The following STX11 variants were observed in gnomAD, a reference collection of about 807,000 sequenced individuals.
The protein encoded by STX11 is syntaxin-11.
In STX11, 21 loss-of-function variants were observed where a neutral mutation model predicts 19.9. The ratio of observed to expected loss-of-function variants is 1.06; its 90% CI spans 0.75 to 1.52. The LOEUF (loss-of-function observed/expected upper bound fraction) is 1.52, where lower values mean the gene tolerates loss of function less well. STX11 is among the 40% of genes most tolerant of loss of function. The pLI, the probability that STX11 is intolerant of heterozygous loss-of-function variation, is 0.00. For missense variants in STX11, 438 were observed against 405.9 expected (o/e 1.08, Z -0.68); for synonymous variants, 193 against 174.4 (o/e 1.11, Z -0.84).
chr6:144,178,123 G>T (rs989292663), intron 1 of STX11, among the ~76,000 whole-genome samples: 4 of 152,188 alleles, frequency 2.6e-5, no homozygotes, highest in East Asian at 1.9e-4. Context: ...AAGCCTTCTT[G>T]TGGGGAGTTT....
At position 144,180,527 on chromosome 6, in the gene STX11, A is replaced by C. The variant is rs369329509; in HGVS notation, c.-5-6096A>C. ...AAGTCTCATGAGATCTGATGGGTTT[A>C]TCAGGGGTTTCTGCTTTTGCTCCTT... is the stretch of plus-strand genomic sequence containing the variant. On this transcript the variant is annotated intron_variant, in intron 1 of 1. Coordinates refer to ENST00000367568, the MANE Select transcript of STX11 (RefSeq NM_003764.4). The surrounding 1 kb of genome is among the most constrained non-coding windows in gnomAD (Gnocchi z 5.3). 6.6e-6 allele frequency among the ~76,000 whole-genome samples: 1 copy of C among 152,192 alleles called. No individual in the cohort carries two copies. The highest frequency in any genetic ancestry group is 2.4e-5 in the African/African-American group (1 of 41,438).
the STX11 span, among the ~76,000 whole-genome samples, chr6:144,144,187 T>G: frequency 1.3e-5 from 2 of 152,248 alleles, no homozygotes; most frequent in Non-Finnish European, 2.9e-5. Context: ...ACAGGCATGA[T>G]CCTTGCCTTC....
At position 144,151,317 on chromosome 6, in the gene STX11, G is replaced by C; in HGVS notation, c.-6+614G>C. ...ATTCTGCCTTTTTCTAGACTCCGCT[G>C]ACACCAGCTGAGATCTGTATTACTT... On this transcript the variant is annotated intron_variant, in intron 1 of 1. Transcript: ENST00000367568. The surrounding 1 kb of genome is among the most constrained non-coding windows in gnomAD (Gnocchi z 4.6). 1.0e-6 allele frequency: 1 copy of C among 985,422 alleles called. No individual in the cohort carries two copies. The highest frequency in any genetic ancestry group is 1.2e-6 in the Non-Finnish European group (1 of 829,924). The allele number at this position is 985,422 out of a possible 1,614,324, so 61.0% of individuals were successfully genotyped here.
At position 144,170,983 on chromosome 6, in the gene STX11, T is replaced by C. The variant is rs1402488766; in HGVS notation, c.-5-15640T>C. Among the ~76,000 whole-genome samples, 1 of 152,194 alleles carries C rather than the reference T, an allele frequency of 6.6e-6. No homozygotes were observed. The highest frequency in any genetic ancestry group is 2.4e-5 in the African/African-American group (1 of 41,442). Reference sequence around the variant, plus strand: ...ATTTATACATGGAGAAGACCAGGTATAGAGAAGATGGCCTACAACAATACA... The same window carrying C: ...ATTTATACATGGAGAAGACCAGGTACAGAGAAGATGGCCTACAACAATACA... On this transcript the variant is annotated intron_variant, in intron 1 of 1. Coordinates refer to ENST00000367568, the MANE Select transcript of STX11 (RefSeq NM_003764.4). This position sits in a 1 kb window ranked among gnomAD's most constrained non-coding sequence, Gnocchi z 4.7.
In STX11 at chr6:144,151,183, T is replaced by C; in HGVS notation, c.-6+480T>C. ...TCAGTAGCCAGGAAAGACGGAGAAA[T>C]TGATAGAGCCTTCGAGGAGTCCCTT... On this transcript the variant is annotated intron_variant, in intron 1 of 1. Transcript: ENST00000367568. This position sits in a 1 kb window ranked among gnomAD's most constrained non-coding sequence, Gnocchi z 4.6. The C allele has an allele frequency of 1.0e-6, 1 of 963,676 alleles. No individual in the cohort carries two copies. The highest frequency in any genetic ancestry group is 1.2e-6 in the Non-Finnish European group (1 of 810,236). The allele number at this position is 963,676 out of a possible 1,614,324, so 59.7% of individuals were successfully genotyped here. A position where few individuals can be genotyped will look rare whatever the true frequency, so the allele number is the denominator to read the frequency against.
At position 144,174,034 on chromosome 6, in the gene STX11, C is replaced by T. The variant is rs1801710629; in HGVS notation, c.-5-12589C>T. Among the ~76,000 whole-genome samples the T allele has an allele frequency of 6.6e-6, 1 of 152,190 alleles. No individual in the cohort carries two copies. Among genetic ancestry groups the T allele is most frequent in the Admixed American group, 6.5e-5 (1 of 15,276 alleles). ...TATTTCTCACTATCCTGTTGATTGGCTGAGCAGTCTTCTGTTGGGCTCTCC... is the reference window on the plus strand; with the variant it reads ...TATTTCTCACTATCCTGTTGATTGGTTGAGCAGTCTTCTGTTGGGCTCTCC... On this transcript the variant is annotated intron_variant, in intron 1 of 1. Coordinates refer to ENST00000367568, the MANE Select transcript of STX11 (RefSeq NM_003764.4). The surrounding 1 kb of genome is among the most constrained non-coding windows in gnomAD (Gnocchi z 5.3).
At chr6:144,145,158 A>G in the STX11 span, among the ~76,000 whole-genome samples, 2 of 152,236 alleles carry the variant, frequency 1.3e-5, no homozygotes, top group Non-Finnish European at 2.9e-5. Context: ...GTGTCCATTG[A>G]CAGGTGAATG....
At position 144,155,783 on chromosome 6, in the gene STX11, T is replaced by A. The variant is rs1801119906; in HGVS notation, c.-6+5080T>A. Among the ~76,000 whole-genome samples, 3 of 152,190 alleles carry A rather than the reference T, an allele frequency of 2.0e-5. No individual in the cohort carries two copies. The highest frequency in any genetic ancestry group is 7.2e-5 in the African/African-American group (3 of 41,438). ...TCAGAGTAAGTCATTTCTTGGCCAC[T>A]CCTTCTGAGTTTATGGATACCAGAC... On this transcript the variant is annotated intron_variant, in intron 1 of 1. Coordinates refer to ENST00000367568, the MANE Select transcript of STX11 (RefSeq NM_003764.4). This position sits in a 1 kb window ranked among gnomAD's most constrained non-coding sequence, Gnocchi z 4.5.
the STX11 span, among the ~76,000 whole-genome samples, chr6:144,140,257 TATTTA>T: frequency 0.023 from 810 of 35,994 alleles, 46 homozygotes; most frequent in East Asian, 0.17. Context: ...TATATATATT[TATTTA>T]TTTATTTTTT....
In STX11 at chr6:144,151,183, T is replaced by G; in HGVS notation, c.-6+480T>G. On this transcript the variant is annotated intron_variant, in intron 1 of 1. Transcript: ENST00000367568. This position sits in a 1 kb window ranked among gnomAD's most constrained non-coding sequence, Gnocchi z 4.6. ...TCAGTAGCCAGGAAAGACGGAGAAATTGATAGAGCCTTCGAGGAGTCCCTT... is the reference window on the plus strand; with the variant it reads ...TCAGTAGCCAGGAAAGACGGAGAAAGTGATAGAGCCTTCGAGGAGTCCCTT... 1 of 963,676 alleles carries G rather than the reference T, an allele frequency of 1.0e-6. No homozygotes were observed. Among genetic ancestry groups the G allele is most frequent in the South Asian group, 4.8e-5 (1 of 20,828 alleles). The allele number at this position is 963,676 out of a possible 1,614,324, so 59.7% of individuals were successfully genotyped here.
chr6:144,181,952 T>C (rs1801922769), intron 1 of STX11, among the ~76,000 whole-genome samples: 1 of 152,220 alleles, frequency 6.6e-6, no homozygotes, highest in Non-Finnish European at 1.5e-5. Context: ...AGATTTTTGG[T>C]AGTTGGTTGT....
At chr6:144,173,169 C>G (rs59890649) in intron 1 of STX11, among the ~76,000 whole-genome samples, 18,201 of 152,250 alleles carry the variant, frequency 0.12, 1,805 homozygotes, top group East Asian at 0.46. Flanking sequence ...ACCCAGAGGC[C>G]TCTTTTCCTT....
the STX11 span, among the ~76,000 whole-genome samples, chr6:144,140,973 A>C: frequency 2.6e-5 from 4 of 152,368 alleles, no homozygotes; most frequent in Admixed American, 2.0e-4. Flanking sequence ...GCTTGTGGCT[A>C]AACTAATATC....
rs1801366941 is a variant in STX11, at chr6:144,162,465, G to A, written c.-6+11762G>A. On this transcript the variant is annotated intron_variant, in intron 1 of 1. Coordinates refer to ENST00000367568, the MANE Select transcript of STX11 (RefSeq NM_003764.4). The surrounding 1 kb of genome is among the most constrained non-coding windows in gnomAD (Gnocchi z 4.6). ...AAGTTCCTTTAGTGGAGTTTTGGAA[G>A]GGAGCAAAAGTAATGTTCAATTTGC... Among the ~76,000 whole-genome samples, 2 of 152,184 alleles carry A rather than the reference G, an allele frequency of 1.3e-5. No homozygotes were observed. The highest frequency in any genetic ancestry group is 6.5e-5 in the Admixed American group (1 of 15,276).
the STX11 span, among the ~76,000 whole-genome samples, chr6:144,142,687 T>C: frequency 6.6e-6 from 1 of 152,170 alleles, no homozygotes; most frequent in African/African-American, 2.4e-5. Context: ...ATGTTCTTAC[T>C]CATGGGAGGT....
At position 144,150,607 on chromosome 6, in the gene STX11, C is replaced by A; in HGVS notation, c.-102C>A. Reference sequence around the variant, plus strand: ...CGCCGGGAGCGGAGCCGCCGGGAGTCGCGCAACAGGTTTCCTTCTCCATCG... The same window carrying A: ...CGCCGGGAGCGGAGCCGCCGGGAGTAGCGCAACAGGTTTCCTTCTCCATCG... On this transcript the variant is annotated 5_prime_UTR_variant, in exon 1 of 2. It introduces an in-frame stop codon into an upstream open reading frame of the 5' UTR. Coordinates refer to ENST00000367568, the MANE Select transcript of STX11 (RefSeq NM_003764.4). 3 of 985,430 alleles carry A rather than the reference C, an allele frequency of 3.0e-6. No individual in the cohort carries two copies. The highest frequency in any genetic ancestry group is 4.7e-5 in the South Asian group (1 of 21,286). 61.0% of individuals were successfully genotyped at this position (985,430 alleles called of 1,614,324 possible).
intron 1 of STX11, among the ~76,000 whole-genome samples, chr6:144,173,920 C>T (rs1454480996): frequency 6.6e-6 from 1 of 152,216 alleles, no homozygotes; most frequent in East Asian, 1.9e-4. Flanking sequence ...GGCAGCATGC[C>T]ACTTCTAGGT....
In STX11 at chr6:144,176,975, A is replaced by G. The variant is rs1028152368; in HGVS notation, c.-5-9648A>G. Reference sequence around the variant, plus strand: ...GTGTAAAAGATATCAGCCATATATAAGAATATTTTTTCTGGGAGAATTTAA... The same window carrying G: ...GTGTAAAAGATATCAGCCATATATAGGAATATTTTTTCTGGGAGAATTTAA... On this transcript the variant is annotated intron_variant, in intron 1 of 1. Coordinates refer to ENST00000367568, the MANE Select transcript of STX11 (RefSeq NM_003764.4). The surrounding 1 kb of genome is among the most constrained non-coding windows in gnomAD (Gnocchi z 4.1). 6.6e-6 allele frequency among the ~76,000 whole-genome samples: 1 copy of G among 152,250 alleles called. No homozygotes were observed. The highest frequency in any genetic ancestry group is 1.5e-5 in the Non-Finnish European group (1 of 68,038).
rs371221184 is a variant in STX11, at chr6:144,176,486, C to T, written c.-5-10137C>T. On this transcript the variant is annotated intron_variant, in intron 1 of 1. Transcript: ENST00000367568. The surrounding 1 kb of genome is among the most constrained non-coding windows in gnomAD (Gnocchi z 4.1). ...GTGCACACAGTCTGTCACTGAGATT[C>T]GTTTTTCCTTCCTTGCTTTACGGAG... Among the ~76,000 whole-genome samples, 4 of 152,116 alleles carry T rather than the reference C, an allele frequency of 2.6e-5. No homozygotes were observed. The highest frequency in any genetic ancestry group is 1.9e-4 in the East Asian group (1 of 5,198).
Sources: gnomAD v4.1 joint callset for allele counts (sites outside exome capture counted in the v4.1 genomes callset) on GRCh38, gnomAD v4.1.1 for gene constraint, Gnocchi (gnomAD v3.1) non-coding constraint, MANE v1.5 for transcripts, NCBI Gene and HGNC (gene_info 2026-07-23, HGNC 2026-07-21) for gene names.